Variants in RBFOX1 observed in about 807,000 individuals in gnomAD.
RBFOX1 encodes RNA binding protein fox-1 homolog 1.
A neutral mutation model predicts 57.7 loss-of-function variants in RBFOX1; 8 were observed. The ratio of observed to expected loss-of-function variants is 0.14; its 90% CI spans 0.08 to 0.25. RBFOX1 has a LOEUF of 0.25. RBFOX1 is among the 10% of genes least tolerant of loss of function. The probability of loss-of-function intolerance (pLI) is 1.00; values close to 1 mark genes in which losing one functional copy is unlikely to be tolerated. For missense variants in RBFOX1, 611 were observed against 548.5 expected (o/e 1.11, Z -1.14); for synonymous variants, 326 against 222.4 (o/e 1.47, Z -4.15).
intron 3 of RBFOX1, among the ~76,000 whole-genome samples, chr16:5,744,951 T>G (rs2052917732): frequency 6.6e-6 from 1 of 152,178 alleles, no homozygotes; most frequent in Non-Finnish European, 1.5e-5. Context: ...TTTTGTATTT[T>G]TTTTTATTAT....
intron 2 of RBFOX1, among the ~76,000 whole-genome samples, chr16:6,351,518 C>T (rs1011176624): frequency 1.3e-5 from 2 of 151,518 alleles, no homozygotes; most frequent in Non-Finnish European, 2.9e-5. Context: ...GGACTACAGG[C>T]ACCTGCCACC....
At chr16:6,431,669 C>G (rs534478446) in intron 2 of RBFOX1, among the ~76,000 whole-genome samples, 1 of 152,084 alleles carries the variant, frequency 6.6e-6, no homozygotes, top group African/African-American at 2.4e-5. Flanking sequence ...GACTTGGGCA[C>G]TTAGTCTGAA....
chr16:5,536,223 CCTGT>C (rs1161988310), intron 2 of RBFOX1, among the ~76,000 whole-genome samples: 2 of 140,086 alleles, frequency 1.4e-5, no homozygotes, highest in African/African-American at 5.4e-5. Context: ...TTGGAAATCT[CCTGT>C]CTTTTTTTTT....
intron 10 of RBFOX1, among the ~76,000 whole-genome samples, chr16:7,620,852 T>A (rs1341436724): frequency 6.6e-6 from 1 of 152,190 alleles, no homozygotes; most frequent in Non-Finnish European, 1.5e-5. Context: ...TTTCATTTCC[T>A]CTTGGGTTTG....
chr16:6,343,761 C>T (rs577875942), intron 2 of RBFOX1, among the ~76,000 whole-genome samples: 115 of 152,290 alleles, frequency 7.6e-4, no homozygotes, highest in African/African-American at 2.5e-3. Flanking sequence ...AGATTTGAAT[C>T]AGTCGTCTTT....
chr16:7,580,768 T>C (rs969839609), intron 6 of RBFOX1, among the ~76,000 whole-genome samples: 1 of 152,220 alleles, frequency 6.6e-6, no homozygotes, highest in African/African-American at 2.4e-5. Flanking sequence ...GACAAAGCTG[T>C]GACAGGGCTT....
rs148608900 is a variant in RBFOX1, at chr16:6,808,945, G to T, written c.-16+154295G>T. Among the ~76,000 whole-genome samples, 190 of 152,286 alleles carry T rather than the reference G, an allele frequency of 1.2e-3. 1 individual carries two copies. The highest frequency in any genetic ancestry group is 4.2e-3 in the African/African-American group (176 of 41,558). On this transcript the variant is annotated intron_variant, in intron 3 of 15. Coordinates refer to ENST00000550418, the MANE Select transcript of RBFOX1 (RefSeq NM_018723.4). ...CTAAATATGTCCTGAGAAGGACTCT[G>T]TACTTCTATATTTGAGTCCTTGTGG...
intron 4 of RBFOX1, among the ~76,000 whole-genome samples, chr16:7,207,096 C>T (rs536235911): frequency 1.3e-5 from 2 of 152,178 alleles, no homozygotes; most frequent in African/African-American, 2.4e-5. Flanking sequence ...CAGTTGGTAA[C>T]TGAGGCTTCA....
At chr16:5,412,270 A>C (rs946011414) in intron 1 of RBFOX1, among the ~76,000 whole-genome samples, 2 of 152,208 alleles carry the variant, frequency 1.3e-5, no homozygotes, top group Admixed American at 1.3e-4. Flanking sequence ...TGAGTTAGGA[A>C]CACCAACTCA....
chr16:6,788,554 C>T (rs372742351), intron 3 of RBFOX1, among the ~76,000 whole-genome samples: 2 of 151,924 alleles, frequency 1.3e-5, no homozygotes, highest in Non-Finnish European at 2.9e-5. Flanking sequence ...CGGCTCACTG[C>T]AAGCTCTGCC....
chr16:6,126,258 C>A (rs181830442), intron 1 of RBFOX1, among the ~76,000 whole-genome samples: 1 of 152,186 alleles, frequency 6.6e-6, no homozygotes, highest in Non-Finnish European at 1.5e-5. Context: ...AGAGCGCCAG[C>A]GCATCGAGGA....
chr16:7,045,211 G>T (rs573981570), intron 3 of RBFOX1, among the ~76,000 whole-genome samples: 2 of 152,284 alleles, frequency 1.3e-5, no homozygotes, highest in Admixed American at 6.5e-5. Flanking sequence ...GTTGGCAGTA[G>T]GTGGAGTATG....
intron 3 of RBFOX1, among the ~76,000 whole-genome samples, chr16:7,004,944 G>C (rs1489369974): frequency 1.3e-5 from 2 of 152,152 alleles, no homozygotes; most frequent in Non-Finnish European, 2.9e-5. Flanking sequence ...AGGAGTTCGA[G>C]ACCAGCTTGG....
intron 3 of RBFOX1, among the ~76,000 whole-genome samples, chr16:5,618,916 G>A (rs12929386): frequency 1.3e-5 from 2 of 152,064 alleles, no homozygotes; most frequent in African/African-American, 4.8e-5. Flanking sequence ...GGGATCTGGA[G>A]AGCTCCAGGT....
At chr16:5,316,210 A>G (rs987169504) in intron 1 of RBFOX1, among the ~76,000 whole-genome samples, 1 of 152,224 alleles carries the variant, frequency 6.6e-6, no homozygotes, top group Non-Finnish European at 1.5e-5. Context: ...AATCGAGCAC[A>G]ACTTCCCTCA....
intron 4 of RBFOX1, among the ~76,000 whole-genome samples, chr16:7,113,756 C>CT (rs900786060): frequency 6.6e-5 from 10 of 151,884 alleles, no homozygotes; most frequent in African/African-American, 2.2e-4. Flanking sequence ...GATGTGTTCT[C>CT]TTTTTTTTGT....
chr16:7,089,801 G>T (rs1042886801), intron 4 of RBFOX1, among the ~76,000 whole-genome samples: 2 of 151,974 alleles, frequency 1.3e-5, no homozygotes, highest in Non-Finnish European at 2.9e-5. Flanking sequence ...TGCATTTTAG[G>T]GCTACATGGC....
rs11861569 is a variant in RBFOX1, at chr16:6,175,250, C to G, written c.-126-141745C>G. ...CCATGAGGGAAAGAAAAAGGATGGTCTCCTTTGGATAAACATTTTCCGTAA... is the reference window on the plus strand; with the variant it reads ...CCATGAGGGAAAGAAAAAGGATGGTGTCCTTTGGATAAACATTTTCCGTAA... On this transcript the variant is annotated intron_variant, in intron 1 of 15. Transcript: ENST00000550418. 3.9e-3 allele frequency among the ~76,000 whole-genome samples: 599 copies of G among 152,238 alleles called. 2 individuals carry two copies. The highest frequency in any genetic ancestry group is 0.014 in the African/African-American group (573 of 41,542).
intron 1 of RBFOX1, chr16:5,366,538 G>T: frequency 2.4e-6 from 1 of 412,098 alleles, no homozygotes; most frequent in South Asian, 2.0e-5. Context: ...TAGTTCTGTA[G>T]AAGATGTTAG....
Sources: allele counts gnomAD v4.1 joint callset (sites outside exome capture counted in the v4.1 genomes callset), GRCh38; gene constraint gnomAD v4.1.1; transcripts MANE v1.5; gene names NCBI Gene and HGNC (gene_info 2026-07-23, HGNC 2026-07-21).